MOB1B: variants seen among roughly 807,000 people sequenced by gnomAD.
The protein encoded by MOB1B is MOB1 Mps One Binder homolog B.
In MOB1B, 19 loss-of-function variants were observed where a neutral mutation model predicts 24.4. That is an observed-to-expected ratio of 0.78 (90% CI 0.54 to 1.14). The LOEUF (loss-of-function observed/expected upper bound fraction) is 1.14. Ranked by LOEUF, MOB1B falls within the 50% of genes most tolerant of loss-of-function variation. The probability of loss-of-function intolerance (pLI) is 0.00; values close to 1 mark genes in which losing one functional copy is unlikely to be tolerated. For synonymous variants in MOB1B, 76 were observed against 82.1 expected, an observed-to-expected ratio of 0.93 and a Z score of 0.40; for missense variants, 243 against 259.6, an observed-to-expected ratio of 0.94 and a Z score of 0.44.
intron 4 of MOB1B, among the ~76,000 whole-genome samples, chr4:70,977,489 T>C (rs1265625739): frequency 6.6e-6 from 1 of 152,166 alleles, no homozygotes; most frequent in Non-Finnish European, 1.5e-5. Context: ...ATATGGGATT[T>C]TATACATTTT....
At chr4:70,951,112 T>C (rs1216489172) in intron 1 of MOB1B, among the ~76,000 whole-genome samples, 1 of 152,168 alleles carries the variant, frequency 6.6e-6, no homozygotes, top group Non-Finnish European at 1.5e-5. Flanking sequence ...AATTTACATA[T>C]TCTTCAGTGT....
At chr4:70,981,353 T>C (rs73827064) in intron 5 of MOB1B, among the ~76,000 whole-genome samples, 6 of 152,174 alleles carry the variant, frequency 3.9e-5, no homozygotes, top group Non-Finnish European at 7.4e-5. Context: ...CCTTATAGTT[T>C]ATAGTTCAGG....
intron 4 of MOB1B, among the ~76,000 whole-genome samples, chr4:70,978,210 A>G (rs544162671): frequency 6.6e-6 from 1 of 152,246 alleles, no homozygotes; most frequent in South Asian, 2.1e-4. Flanking sequence ...GGCTTGTTTC[A>G]CTTAGCATAA....
Position 70,984,772 on chromosome 4 carries a change from G to T in MOB1B, c.*2715G>T, listed in dbSNP as rs1020379020. On this transcript the variant is annotated 3_prime_UTR_variant, in exon 6 of 6. Coordinates refer to ENST00000309395, the MANE Select transcript of MOB1B (RefSeq NM_173468.4). ...AAAAAGAGTGAAAATATTTTAATTA[G>T]CAGTAGATGGTGCTACTGGCTTTCA... The T allele has an allele frequency of 6.6e-6, 1 of 152,126 alleles. No individual in the cohort carries two copies. Among genetic ancestry groups the T allele is most frequent in the African/African-American group, 2.4e-5 (1 of 41,430 alleles). The allele number at this position is 152,126 out of a possible 1,614,324, so 9.4% of individuals were successfully genotyped here. A position where few individuals can be genotyped will look rare whatever the true frequency, so the allele number is the denominator to read the frequency against.
intron 1 of MOB1B, among the ~76,000 whole-genome samples, chr4:70,939,945 G>C (rs567051000): frequency 1.3e-5 from 2 of 152,352 alleles, no homozygotes; most frequent in Admixed American, 1.3e-4. Context: ...TTCCCCTGGA[G>C]TCTGGCCACT....
At chr4:70,948,569 G>A (rs1176139137) in intron 1 of MOB1B, among the ~76,000 whole-genome samples, 5 of 151,788 alleles carry the variant, frequency 3.3e-5, no homozygotes, top group Admixed American at 3.3e-4. Context: ...GAATATAATA[G>A]TGTCTCTGTT....
chr4:70,915,641 T>G (rs905714481), intron 1 of MOB1B, among the ~76,000 whole-genome samples: 1 of 152,166 alleles, frequency 6.6e-6, no homozygotes, highest in African/African-American at 2.4e-5. Flanking sequence ...TGGCCTTATG[T>G]TCCGTGCCTT....
chr4:70,944,958 C>T (rs377091416), intron 1 of MOB1B, among the ~76,000 whole-genome samples: 1 of 152,166 alleles, frequency 6.6e-6, no homozygotes, highest in East Asian at 1.9e-4. Flanking sequence ...TCCAAACTGT[C>T]TCACCCTTGG....
chr4:70,975,773 T>C, intron 4 of MOB1B: 7 of 967,762 alleles, frequency 7.2e-6, no homozygotes, highest in Non-Finnish European at 7.4e-6. Flanking sequence ...CTAGGAACCA[T>C]GGTAAATTAC....
In MOB1B at chr4:70,902,409, A is replaced by G. The variant is rs924346905; in HGVS notation, c.-128A>G. On this transcript the variant is annotated 5_prime_UTR_variant, in exon 1 of 6. Transcript: ENST00000309395. ...GCCGAACTAGTTGCGGCCACCGAGC[A>G]GCCGGCTCTCGGCACCTCCTCCTCC... is the stretch of plus-strand genomic sequence containing the variant. 1.9e-5 allele frequency: 19 copies of G among 998,174 alleles called. 1 individual carries two copies. In the Admixed American group the frequency reaches 3.0e-4, roughly 16 times the overall value. The allele number at this position is 998,174 out of a possible 1,614,324, so 61.8% of individuals were successfully genotyped here. A position where few individuals can be genotyped will look rare whatever the true frequency, so the allele number is the denominator to read the frequency against.
rs1739302035 is a variant in MOB1B at position 70,984,029 on chromosome 4, G to T, written c.*1972G>T. The T allele has an allele frequency of 6.6e-6, 1 of 152,502 alleles. No homozygotes were observed. The highest frequency in any genetic ancestry group is 1.9e-4 in the East Asian group (1 of 5,188). The allele number at this position is 152,502 out of a possible 1,614,324, so 9.4% of individuals were successfully genotyped here. On this transcript the variant is annotated 3_prime_UTR_variant, in exon 6 of 6. Coordinates refer to ENST00000309395, the MANE Select transcript of MOB1B (RefSeq NM_173468.4). ...TTACTCAGTCTTCCATATTGTATTTGACTTCATATCAATCTAGTAAAAAAG... is the reference window on the plus strand; with the variant it reads ...TTACTCAGTCTTCCATATTGTATTTTACTTCATATCAATCTAGTAAAAAAG...
chr4:70,923,418 G>T (rs1281984811), intron 1 of MOB1B, among the ~76,000 whole-genome samples: 1 of 152,112 alleles, frequency 6.6e-6, no homozygotes, highest in Admixed American at 6.5e-5. Flanking sequence ...TCCCAGGCTG[G>T]TCTCCAACTC....
intron 1 of MOB1B, among the ~76,000 whole-genome samples, chr4:70,918,632 T>G (rs1026131438): frequency 1.3e-5 from 2 of 151,928 alleles, no homozygotes; most frequent in Non-Finnish European, 1.5e-5. Flanking sequence ...TTCTCCCATT[T>G]TGTAGGTTGC....
chr4:70,929,182 CTTT>C (rs11362114), intron 1 of MOB1B, among the ~76,000 whole-genome samples: 8 of 95,126 alleles, frequency 8.4e-5, no homozygotes, highest in Non-Finnish European at 1.4e-4. Flanking sequence ...TTCTTTCTTT[CTTT>C]TTTTTTTTTT....
intron 2 of MOB1B, among the ~76,000 whole-genome samples, chr4:70,964,496 A>G (rs988652765): frequency 2.0e-5 from 3 of 152,262 alleles, no homozygotes; most frequent in African/African-American, 7.2e-5. Context: ...GGGATATATT[A>G]TAGCTAAAGC....
chr4:70,937,647 G>A (rs1040264257), intron 1 of MOB1B, among the ~76,000 whole-genome samples: 2 of 151,890 alleles, frequency 1.3e-5, no homozygotes, highest in Non-Finnish European at 2.9e-5. Context: ...AAGTAGCTGG[G>A]ACTACAGGCA....
At chr4:70,953,196 C>T (rs1375331432) in intron 1 of MOB1B, among the ~76,000 whole-genome samples, 1 of 151,974 alleles carries the variant, frequency 6.6e-6, no homozygotes, top group Non-Finnish European at 1.5e-5. Flanking sequence ...GCCTCATCCT[C>T]CCAAAGTGCT....
At chr4:70,981,533 G>A (rs981434310) in intron 5 of MOB1B, among the ~76,000 whole-genome samples, 2 of 152,284 alleles carry the variant, frequency 1.3e-5, no homozygotes. Flanking sequence ...TTGCAGATAC[G>A]TTAGTTTGTA....
rs186392624 is a variant in MOB1B, at chr4:70,941,682, C to T, written c.15-17192C>T. ...CTTTCCCTTACTCTGTTCCATCCTTCCTTGTGACATTTCTCTTTGGTATCT... is the reference window on the plus strand; with the variant it reads ...CTTTCCCTTACTCTGTTCCATCCTTTCTTGTGACATTTCTCTTTGGTATCT... On this transcript the variant is annotated intron_variant, in intron 1 of 5. Coordinates refer to ENST00000309395, the MANE Select transcript of MOB1B (RefSeq NM_173468.4). Among the ~76,000 whole-genome samples the T allele has an allele frequency of 1.9e-3, 284 of 152,274 alleles. 1 individual carries two copies. Among genetic ancestry groups the T allele is most frequent in the African/African-American group, 6.5e-3 (268 of 41,546 alleles).
Sources: allele counts gnomAD v4.1 joint callset (sites outside exome capture counted in the v4.1 genomes callset), GRCh38; gene constraint gnomAD v4.1.1; transcripts MANE v1.5; gene names NCBI Gene and HGNC (gene_info 2026-07-23, HGNC 2026-07-21).